DMD: variants seen among roughly 807,000 people sequenced by gnomAD.
DMD encodes mutant dystrophin.
DMD carries 63 observed loss-of-function variants against 330.1 expected under a neutral mutation model. The observed-to-expected ratio is 0.19, with a 90% CI of 0.16 to 0.24. The LOEUF is 0.24. Among genes scored for constraint, DMD ranks in the 10% least tolerant of loss-of-function variants. The probability of loss-of-function intolerance (pLI) is 1.00; values close to 1 mark genes in which losing one functional copy is unlikely to be tolerated. For synonymous variants in DMD, 1,223 were observed against 959.8 expected (o/e 1.27, Z -5.07); for missense variants, 3,344 against 2,684.1 (o/e 1.25, Z -5.43).
At chrX:32,697,588 C>T (rs1340670838) in intron 9 of DMD, among the ~76,000 whole-genome samples, 1 of 111,379 alleles carries the variant, frequency 9.0e-6, no homozygotes, top group Non-Finnish European at 1.9e-5. Flanking sequence ...TTTTTATAAC[C>T]ATTAGCAGCC....
intron 19 of DMD, among the ~76,000 whole-genome samples, 199 bp from the exon 20 acceptor site, chrX:32,491,717 T>C (rs72468682): frequency 1.8e-5 from 2 of 111,483 alleles, no homozygotes; most frequent in Admixed American, 1.9e-4. Flanking sequence ...GTCACAACAA[T>C]GAATATCAAT....
At chrX:32,485,798 C>T (rs1301045157) in intron 20 of DMD, among the ~76,000 whole-genome samples, 1 of 85,037 alleles carries the variant, frequency 1.2e-5, no homozygotes, top group Non-Finnish European at 2.1e-5. Flanking sequence ...GGCTGGAGTG[C>T]AATGACGCGA....
At chrX:33,150,427 G>C (rs1213327008) in intron 1 of DMD, among the ~76,000 whole-genome samples, 1 of 108,480 alleles carries the variant, frequency 9.2e-6, no homozygotes, top group East Asian at 2.9e-4. Context: ...CTGAGTAGCT[G>C]GGATTACAGA....
intron 68 of DMD, among the ~76,000 whole-genome samples, chrX:31,180,772 C>T (rs2041076546): frequency 9.0e-6 from 1 of 111,686 alleles, no homozygotes; most frequent in African/African-American, 3.3e-5. Flanking sequence ...TAGGAAGGTA[C>T]TGGAAAATTT....
At chrX:32,415,429 C>G (rs1326717619) in intron 29 of DMD, among the ~76,000 whole-genome samples, 1 of 111,750 alleles carries the variant, frequency 8.9e-6, no homozygotes, top group Non-Finnish European at 1.9e-5. Flanking sequence ...TCAATGCAAG[C>G]TTGCAGAATT....
rs1044452237 is a variant in DMD, at chrX:32,667,444, G to A, written c.961-22292C>T. Among the ~76,000 whole-genome samples, 7 of 111,977 alleles carry A rather than the reference G, an allele frequency of 6.3e-5. No individual in the cohort carries two copies. The South Asian group carries it at 1.5e-3, about 24-fold the overall frequency. The stretch of plus-strand genomic sequence containing the variant: ...TGTTGAGCTTAGTGCTGTGTGACAC[G>A]ATAAATTGGAGGATTAAGAAATGCA... On this transcript the variant is annotated intron_variant, in intron 9 of 78. Transcript: ENST00000357033.
At chrX:33,167,053 C>A (rs2049093040) in intron 1 of DMD, among the ~76,000 whole-genome samples, 1 of 111,038 alleles carries the variant, frequency 9.0e-6, no homozygotes, top group South Asian at 3.8e-4. Context: ...ATGAATGACA[C>A]TGAAATTGTC....
intron 29 of DMD, among the ~76,000 whole-genome samples, chrX:32,428,168 C>T (rs2148087576): frequency 9.0e-6 from 1 of 110,963 alleles, no homozygotes; most frequent in African/African-American, 3.3e-5. Flanking sequence ...AGTTTTCAGC[C>T]CTTCCGTCTC....
At chrX:31,416,343 T>C (rs745770658) in intron 60 of DMD, among the ~76,000 whole-genome samples, 1 of 112,526 alleles carries the variant, frequency 8.9e-6, no homozygotes, top group Non-Finnish European at 1.9e-5. Flanking sequence ...ATCTCATTAG[T>C]AAAATTTAAG....
At chrX:31,678,781 T>C (rs1569219255) in intron 53 of DMD, among the ~76,000 whole-genome samples, 1 of 111,925 alleles carries the variant, frequency 8.9e-6, no homozygotes, top group Non-Finnish European at 1.9e-5. Context: ...GCCCGAATGG[T>C]TGACTTCATG....
intron 50 of DMD, among the ~76,000 whole-genome samples, chrX:31,796,249 A>T (rs1359820308): frequency 1.8e-5 from 2 of 112,538 alleles, no homozygotes; most frequent in Non-Finnish European, 3.8e-5. Context: ...TGAATGAATG[A>T]GAAAACAAAA....
chrX:33,107,319 C>G lies in DMD; in HGVS notation c.32-87119G>C, dbSNP rs750706463. On this transcript the variant is annotated intron_variant, in intron 1 of 78. Transcript: ENST00000357033. ...AAGAGCGAAGCTCTGTCCCCCCCCCCCCCCCAACACACACAAAAAAAACAG... is the reference window on the plus strand; with the variant it reads ...AAGAGCGAAGCTCTGTCCCCCCCCCGCCCCCAACACACACAAAAAAAACAG... Among the ~76,000 whole-genome samples, 40 of 77,780 alleles carry G rather than the reference C, an allele frequency of 5.1e-4. 2 individuals carry two copies. Among genetic ancestry groups the G allele is most frequent in the South Asian group, 3.0e-3 (4 of 1,351 alleles). The allele number at this position is 77,780 out of a possible 115,157, so 67.5% of individuals were successfully genotyped here.
At position 33,047,276 on chromosome X, in the gene DMD, A is replaced by C. The variant is rs138680804; in HGVS notation, c.32-27076T>G. Among the ~76,000 whole-genome samples, 573 of 112,228 alleles carry C rather than the reference A, an allele frequency of 5.1e-3. 5 individuals carry two copies. Among genetic ancestry groups the C allele is most frequent in the African/African-American group, 0.017 (530 of 30,945 alleles). On this transcript the variant is annotated intron_variant, in intron 1 of 78. Coordinates refer to ENST00000357033, the MANE Select transcript of DMD (RefSeq NM_004006.3). ...CCACATAATAATACTATCTAAGGGAACATTACTGATGTACCTAGATTTTTT... is the reference window on the plus strand; with the variant it reads ...CCACATAATAATACTATCTAAGGGACCATTACTGATGTACCTAGATTTTTT...
At chrX:32,254,024 A>C (rs755427196) in intron 43 of DMD, among the ~76,000 whole-genome samples, 1 of 110,734 alleles carries the variant, frequency 9.0e-6, no homozygotes, top group South Asian at 3.8e-4. Context: ...TCTGCAAAAG[A>C]GTTTATTAAA....
chrX:32,063,976 A>C (rs746101976), intron 44 of DMD, among the ~76,000 whole-genome samples: 2 of 111,419 alleles, frequency 1.8e-5, no homozygotes, highest in East Asian at 5.6e-4. Flanking sequence ...ATATATAAAT[A>C]GAAATGACTT....
chrX:31,362,254 T>C (rs2058977500), intron 60 of DMD, among the ~76,000 whole-genome samples: 1 of 112,220 alleles, frequency 8.9e-6, no homozygotes, highest in African/African-American at 3.2e-5. Flanking sequence ...TCAAACTTTT[T>C]CTAGACTTTT....
chrX:32,399,288 G>C (rs777029734), intron 30 of DMD, among the ~76,000 whole-genome samples: 4 of 111,398 alleles, frequency 3.6e-5, no homozygotes, highest in Non-Finnish European at 7.5e-5. Flanking sequence ...AACCCACAAA[G>C]TGAAGAGACA....
rs773610693 is a variant in DMD, at chrX:32,037,135, CA to C, written c.6439-68622del. Among the ~76,000 whole-genome samples the C allele has an allele frequency of 4.8e-3, 537 of 112,019 alleles. 5 individuals are homozygous for C. Among genetic ancestry groups the C allele is most frequent in the African/African-American group, 0.016 (502 of 30,891 alleles). On this transcript the variant is annotated intron_variant, in intron 44 of 78. Transcript: ENST00000357033. ...CAAGAGGGAAATAACCAGTGTAGCA[CA>C]TAGACTTCAAGGGTTGTTTTAATGA...
intron 1 of DMD, among the ~76,000 whole-genome samples, chrX:33,024,703 G>A (rs2093967311): frequency 9.0e-6 from 1 of 111,278 alleles, no homozygotes; most frequent in African/African-American, 3.3e-5. Flanking sequence ...ATATTAAATT[G>A]CAATATTCTT....
Sources: gnomAD v4.1 joint callset for allele counts (sites outside exome capture counted in the v4.1 genomes callset) on GRCh38, gnomAD v4.1.1 for gene constraint, MANE v1.5 for transcripts, NCBI Gene and HGNC (gene_info 2026-07-23, HGNC 2026-07-21) for gene names.